GNB1L: variants seen among roughly 807,000 people sequenced by gnomAD.
The protein encoded by GNB1L is G protein subunit beta 1 like.
A neutral mutation model predicts 29.1 loss-of-function variants in GNB1L; 20 were observed. The observed-to-expected ratio is 0.69, with a 90% CI of 0.48 to 1.00. GNB1L has a LOEUF of 1.00. GNB1L is among the 50% of genes least tolerant of loss of function. The pLI, the probability that GNB1L is intolerant of heterozygous loss-of-function variation, is 0.00. For missense variants in GNB1L, 421 were observed against 464.9 expected (o/e 0.91, Z 0.87); for synonymous variants, 193 against 206.5 (o/e 0.93, Z 0.56).
chr22:19,848,408 CA>C, intron 2 of GNB1L: 3 of 985,504 alleles, frequency 3.0e-6, no homozygotes, highest in Non-Finnish European at 3.6e-6. Flanking sequence ...CTCCTTCCCC[CA>C]GCAGGAAAGC....
intron 6 of GNB1L, among the ~76,000 whole-genome samples, chr22:19,804,738 G>A (rs539639561): frequency 4.2e-4 from 64 of 152,198 alleles, no homozygotes; most frequent in Non-Finnish European, 6.3e-4. Context: ...TTTTCTTAGC[G>A]GAATGCTTCA....
chr22:19,788,522 G>T lies in GNB1L; in HGVS notation c.*187C>A. ...GCCAGGGCTCTGGCTGGCCCCCAGA[G>T]TCACCGTCCTGTGATGAGGCACTCC... On this transcript the variant is annotated 3_prime_UTR_variant, in exon 8 of 8. Transcript: ENST00000329517. 1.3e-6 allele frequency: 1 copy of T among 797,166 alleles called. No homozygotes were observed. Among genetic ancestry groups the T allele is most frequent in the Non-Finnish European group, 2.2e-6 (1 of 457,802 alleles). 49.4% of individuals were successfully genotyped at this position (797,166 alleles called of 1,614,324 possible). A position where few individuals can be genotyped will look rare whatever the true frequency, so the allele number is the denominator to read the frequency against.
At chr22:19,811,313 C>G (rs5993841) in intron 5 of GNB1L, among the ~76,000 whole-genome samples, 42,740 of 152,114 alleles carry the variant, frequency 0.28, 6,541 homozygotes, top group African/African-American at 0.4. Flanking sequence ...AAAGACTGCC[C>G]GGGCACAGCG....
chr22:19,839,940 G>A (rs996462998), intron 2 of GNB1L, among the ~76,000 whole-genome samples: 4 of 151,842 alleles, frequency 2.6e-5, no homozygotes, highest in African/African-American at 7.3e-5. Context: ...GCACATGTCT[G>A]TAGTCCCAGC....
At chr22:19,805,190 A>G (rs1432383238) in intron 6 of GNB1L, among the ~76,000 whole-genome samples, 2 of 152,226 alleles carry the variant, frequency 1.3e-5, no homozygotes, top group Non-Finnish European at 2.9e-5. Flanking sequence ...AAGCAGCACT[A>G]CAGGATCAGT....
intron 2 of GNB1L, chr22:19,849,626 C>G (rs138329998): frequency 0.016 from 15,017 of 949,462 alleles, 144 homozygotes; most frequent in Admixed American, 0.035. Flanking sequence ...CTTGGCCTCC[C>G]AGAGTGCTGG....
In GNB1L at chr22:19,852,369, G is replaced by A. The variant is rs534105878; in HGVS notation, c.-21+2074C>T. On this transcript the variant is annotated intron_variant, in intron 2 of 7. Coordinates refer to ENST00000329517, the MANE Select transcript of GNB1L (RefSeq NM_053004.3). ...CAGGACAGGGATGGCTGAACAGGGC[G>A]TGGCAGACCCGCACTGGTCCAGGCA... 1.2e-4 allele frequency: 147 copies of A among 1,238,834 alleles called. 1 individual carries two copies. Among genetic ancestry groups the A allele is most frequent in the African/African-American group, 1.1e-3 (70 of 66,610 alleles). 76.7% of individuals were successfully genotyped at this position (1,238,834 alleles called of 1,614,324 possible).
chr22:19,816,257 A>C lies in GNB1L; in HGVS notation c.255-3810T>G, dbSNP rs1937523422. Among the ~76,000 whole-genome samples the C allele has an allele frequency of 6.6e-6, 1 of 152,142 alleles. No homozygotes were observed. The highest frequency in any genetic ancestry group is 2.1e-4 in the South Asian group (1 of 4,830). On this transcript the variant is annotated intron_variant, in intron 4 of 7. Transcript: ENST00000329517. The surrounding 1 kb of genome is among the most constrained non-coding windows in gnomAD (Gnocchi z 4.4). ...CAGTCGTCACGCTGCGAGGCACACG[A>C]TGTGACCTGCCCACCATCAGGGGTG...
chr22:19,829,327 A>C (rs1423838936), intron 2 of GNB1L, among the ~76,000 whole-genome samples: 1 of 152,230 alleles, frequency 6.6e-6, no homozygotes, highest in African/African-American at 2.4e-5. Flanking sequence ...GGTCACAAAG[A>C]AATATCAGTA....
intron 6 of GNB1L, among the ~76,000 whole-genome samples, chr22:19,803,224 C>T (rs1364443441): frequency 3.9e-5 from 6 of 152,346 alleles, no homozygotes; most frequent in South Asian, 4.1e-4. Flanking sequence ...CATGTGAACC[C>T]GAGGCCAGAG....
intron 6 of GNB1L, among the ~76,000 whole-genome samples, chr22:19,804,742 T>G (rs1937413399): frequency 6.6e-6 from 1 of 152,182 alleles, no homozygotes; most frequent in Admixed American, 6.5e-5. Flanking sequence ...CTTAGCGGAA[T>G]GCTTCACGCT....
chr22:19,840,758 C>T lies in GNB1L; in HGVS notation c.-21+13685G>A, dbSNP rs143892290. 4.6e-3 allele frequency among the ~76,000 whole-genome samples: 701 copies of T among 151,462 alleles called. 4 individuals are homozygous for T. The highest frequency in any genetic ancestry group is 0.016 in the African/African-American group (652 of 41,238). On this transcript the variant is annotated intron_variant, in intron 2 of 7. Coordinates refer to ENST00000329517, the MANE Select transcript of GNB1L (RefSeq NM_053004.3). The stretch of plus-strand genomic sequence containing the variant: ...CCGACAGGCAGAGATTGCAGTGAGC[C>T]GAGATCGTGCCATTGCACTCCAGCC...
chr22:19,832,831 T>C (rs1199514032), intron 2 of GNB1L, among the ~76,000 whole-genome samples: 1 of 152,184 alleles, frequency 6.6e-6, no homozygotes, highest in African/African-American at 2.4e-5. Context: ...AGCTCACCCC[T>C]GAGCTGTGTA....
chr22:19,851,618 T>C (rs944494033), intron 2 of GNB1L: 1 of 1,595,038 alleles, frequency 6.3e-7, no homozygotes, highest in African/African-American at 1.3e-5. Context: ...CCTAGCTAAG[T>C]ATTGCCTCAC....
At chr22:19,795,294 C>T (rs185324942) in intron 7 of GNB1L, among the ~76,000 whole-genome samples, 2 of 152,122 alleles carry the variant, frequency 1.3e-5, no homozygotes, top group East Asian at 3.9e-4. Flanking sequence ...GAAACAGGCA[C>T]GTTTGCAATC....
chr22:19,799,554 G>T (rs1937344810), intron 7 of GNB1L, among the ~76,000 whole-genome samples: 1 of 152,246 alleles, frequency 6.6e-6, no homozygotes, highest in African/African-American at 2.4e-5. Flanking sequence ...CCACCATCTG[G>T]TTCCGATTAC....
At chr22:19,849,406 T>A in intron 2 of GNB1L, 7 of 649,070 alleles carry the variant, frequency 1.1e-5, no homozygotes, top group Non-Finnish European at 1.3e-5. Context: ...TTCACTCTTG[T>A]TGTCCAGGCT....
chr22:19,820,500 C>A, intron 4 of GNB1L, 98 bp downstream of exon 4: 1 of 1,341,640 alleles, frequency 7.5e-7, no homozygotes, highest in Middle Eastern at 2.7e-4. Flanking sequence ...GGTTCCCCCA[C>A]CCCATTCTGC....
Position 19,784,180 on chromosome 22 carries a change from T to C in GNB1L, c.*4529A>G, listed in dbSNP as rs1372334609. 1 of 152,246 alleles carries C rather than the reference T, an allele frequency of 6.6e-6. No homozygotes were observed. Among genetic ancestry groups the C allele is most frequent in the African/African-American group, 2.4e-5 (1 of 41,460 alleles). The allele number at this position is 152,246 out of a possible 1,614,324, so 9.4% of individuals were successfully genotyped here. On this transcript the variant is annotated 3_prime_UTR_variant, in exon 8 of 8. Coordinates refer to ENST00000329517, the MANE Select transcript of GNB1L (RefSeq NM_053004.3). ...AGAACCCCCGGAGGGTTGTTTTTCT[T>C]TGTGCAAACACTCCTTTTGTGCAGA...
Sources: allele counts gnomAD v4.1 joint callset (sites outside exome capture counted in the v4.1 genomes callset), GRCh38; gene constraint gnomAD v4.1.1; non-coding constraint Gnocchi (gnomAD v3.1); transcripts MANE v1.5; gene names NCBI Gene and HGNC (gene_info 2026-07-23, HGNC 2026-07-21).